The following AKT1 variants were observed in gnomAD, a reference collection of about 807,000 sequenced individuals.
AKT1 encodes AKT serine/threonine kinase 1.
A neutral mutation model predicts 63.1 loss-of-function variants in AKT1; 21 were observed. The observed-to-expected ratio is 0.33, with a 90% CI of 0.24 to 0.48. The LOEUF is 0.48. Among genes scored for constraint, AKT1 ranks in the 20% least tolerant of loss-of-function variants. The probability of loss-of-function intolerance (pLI) is 0.99; values close to 1 mark genes in which losing one functional copy is unlikely to be tolerated. For missense variants in AKT1, 382 were observed against 666.0 expected (o/e 0.57, Z 4.69); for synonymous variants, 257 against 253.1 (o/e 1.02, Z -0.15).
At chr14:104,781,487 G>A (rs1893036664) in intron 3 of AKT1, among the ~76,000 whole-genome samples, 1 of 152,158 alleles carries the variant, frequency 6.6e-6, no homozygotes, top group South Asian at 2.1e-4. Context: ...GAGGACATGG[G>A]TCATGGGCAT....
intron 3 of AKT1, among the ~76,000 whole-genome samples, chr14:104,788,841 T>TG (rs1456076369): frequency 2.6e-5 from 4 of 152,048 alleles, no homozygotes; most frequent in East Asian, 3.9e-4. Flanking sequence ...AGGCCTGGAC[T>TG]GGGGGGTCTA....
intron 4 of AKT1, among the ~76,000 whole-genome samples, chr14:104,779,780 C>T (rs1421197893): frequency 1.3e-5 from 2 of 150,476 alleles, no homozygotes; most frequent in South Asian, 2.1e-4. Context: ...GGACTCAGCT[C>T]GGAGACCCCT....
intron 4 of AKT1, 81 bp downstream of exon 4, chr14:104,780,007 C>T (rs1000559097): frequency 2.3e-4 from 357 of 1,556,538 alleles, no homozygotes; most frequent in Middle Eastern, 9.6e-4. Context: ...CCAGGGGACC[C>T]CCATCGTGGG....
chr14:104,788,845 G>A (rs950923963), intron 3 of AKT1, among the ~76,000 whole-genome samples: 6 of 152,190 alleles, frequency 3.9e-5, no homozygotes, highest in African/African-American at 1.4e-4. Flanking sequence ...CTGGACTGGG[G>A]GGTCTATGCC....
intron 6 of AKT1, 89 bp downstream of exon 6, chr14:104,775,563 C>A (rs1892651793): frequency 1.3e-6 from 2 of 1,531,508 alleles, no homozygotes; most frequent in Non-Finnish European, 1.8e-6. Context: ...CTGAGTGTCT[C>A]CTGGGCCGAG....
At chr14:104,787,211 C>G (rs1333235128) in intron 3 of AKT1, among the ~76,000 whole-genome samples, 1 of 152,196 alleles carries the variant, frequency 6.6e-6, no homozygotes, top group Admixed American at 6.5e-5. Context: ...GGAAAACACA[C>G]CTAAAGGCGG....
At chr14:104,773,867 G>A (rs749263390) in intron 9 of AKT1, 45 bp downstream of exon 9, 16 of 1,550,078 alleles carry the variant, frequency 1.0e-5, no homozygotes, top group African/African-American at 1.4e-5. Flanking sequence ...CACCATGGGC[G>A]GCCCACAGGC....
At chr14:104,778,323 A>C (rs1393963654) in intron 4 of AKT1, 2 of 152,168 alleles carry the variant, frequency 1.3e-5, no homozygotes, top group East Asian at 3.9e-4. Flanking sequence ...CCGAGGAGAC[A>C]CTGGGGAGGG....
intron 13 of AKT1, 83 bp downstream of exon 13, chr14:104,772,282 T>C (rs1892433366): frequency 6.8e-7 from 1 of 1,463,276 alleles, no homozygotes; most frequent in Non-Finnish European, 9.5e-7. Context: ...GTGTGGGAAA[T>C]CTGGCGAGCG....
In AKT1 at chr14:104,777,286, CCACACCTGGGGCACAGG is replaced by C. The variant is rs1483550340; in HGVS notation, c.176-533_176-517del. The C allele has an allele frequency of 1.1e-3, 134 of 122,440 alleles. 1 individual carries two copies. Among genetic ancestry groups the C allele is most frequent in the African/African-American group, 5.0e-3 (115 of 23,000 alleles). 7.6% of individuals were successfully genotyped at this position (122,440 alleles called of 1,614,324 possible). A position where few individuals can be genotyped will look rare whatever the true frequency, so the allele number is the denominator to read the frequency against. ...GGGCACAGGCACACCTGGGGCACAG[CCACACCTGGGGCACAGG>C]CACACCTGGGGCACAGCCACACCTG... On this transcript the variant is annotated intron_variant, in intron 4 of 14. Coordinates refer to ENST00000649815, the MANE Select transcript of AKT1 (RefSeq NM_001382430.1).
At position 104,793,195 on chromosome 14, in the gene AKT1, G is replaced by C. The variant is rs564014530; in HGVS notation, c.-148C>G. 8.5e-5 allele frequency: 16 copies of C among 188,636 alleles called. No individual in the cohort carries two copies. Among genetic ancestry groups the C allele is most frequent in the African/African-American group, 1.6e-4 (7 of 42,646 alleles). 11.7% of individuals were successfully genotyped at this position (188,636 alleles called of 1,614,324 possible). A position where few individuals can be genotyped will look rare whatever the true frequency, so the allele number is the denominator to read the frequency against. ...TGACTTCTTTGACCCAGGCTGGCTC[G>C]GCCTTCCCTAAGCCCCTGGTGACAG... is the stretch of plus-strand genomic sequence containing the variant. On this transcript the variant is annotated 5_prime_UTR_variant, in exon 2 of 15. Transcript: ENST00000649815.
chr14:104,774,892 C>T, intron 8 of AKT1, 46 bp downstream of exon 8: 4 of 1,579,992 alleles, frequency 2.5e-6, no homozygotes, highest in Non-Finnish European at 2.6e-6. Flanking sequence ...CCCCAGGAGT[C>T]GCTACCTGGC....
At chr14:104,775,248 A>G (rs772050083) in intron 6 of AKT1, 41 bp from the exon 7 acceptor site, 1 of 1,609,994 alleles carries the variant, frequency 6.2e-7, no homozygotes, top group South Asian at 1.1e-5. Flanking sequence ...CGCTGCCAAC[A>G]GTGCCCAGCT....
At chr14:104,783,415 C>T (rs1893169816) in intron 3 of AKT1, among the ~76,000 whole-genome samples, 1 of 152,056 alleles carries the variant, frequency 6.6e-6, no homozygotes, top group African/African-American at 2.4e-5. Flanking sequence ...CAGTAGGGAC[C>T]TCGTCCTCCA....
intron 3 of AKT1, among the ~76,000 whole-genome samples, chr14:104,791,245 G>A (rs1893611644): frequency 6.6e-6 from 1 of 152,154 alleles, no homozygotes; most frequent in African/African-American, 2.4e-5. Flanking sequence ...AGAGGAACAG[G>A]GCCAGGGTCG....
rs1843627520 is a variant in AKT1, at chr14:104,795,228, G to A, written c.-258+256C>T. 6.6e-6 allele frequency among the ~76,000 whole-genome samples: 1 copy of A among 151,746 alleles called. No individual in the cohort carries two copies. The highest frequency in any genetic ancestry group is 2.1e-4 in the South Asian group (1 of 4,828). ...GGGTCCCGGCCTCGCCCGGCGGAGC[G>A]GCCTCCCCAAGGTCATGAGGGAGGC... On this transcript the variant is annotated intron_variant, in intron 1 of 14. Transcript: ENST00000649815. This position sits in a 1 kb window ranked among gnomAD's most constrained non-coding sequence, Gnocchi z 5.1.
At chr14:104,771,375 A>AG in intron 13 of AKT1, 1 of 232,346 alleles carries the variant, frequency 4.3e-6, no homozygotes, top group Admixed American at 5.5e-5. Flanking sequence ...TGCACACGTG[A>AG]GGAGCTGCCA....
At chr14:104,786,729 T>C (rs1351241436) in intron 3 of AKT1, among the ~76,000 whole-genome samples, 1 of 151,730 alleles carries the variant, frequency 6.6e-6, no homozygotes, top group East Asian at 1.9e-4. Flanking sequence ...CTGTGGAGGG[T>C]GCTCCTTCTG....
chr14:104,771,083 C>T (rs1039917192), intron 13 of AKT1: 1 of 529,362 alleles, frequency 1.9e-6, no homozygotes, highest in East Asian at 3.0e-5. Context: ...GCTGCCCTCA[C>T]AGCAGCCCCA....
Sources: allele counts gnomAD v4.1 joint callset (sites outside exome capture counted in the v4.1 genomes callset), GRCh38; gene constraint gnomAD v4.1.1; non-coding constraint Gnocchi (gnomAD v3.1); transcripts MANE v1.5; gene names NCBI Gene and HGNC (gene_info 2026-07-23, HGNC 2026-07-21).